NCOA1: variants seen among roughly 807,000 people sequenced by gnomAD.
The protein encoded by NCOA1 is Hin-2 protein.
NCOA1 carries 35 observed loss-of-function variants against 150.9 expected under a neutral mutation model. The observed-to-expected ratio is 0.23, with a 90% confidence interval of 0.18 to 0.31. NCOA1 has a LOEUF of 0.31. NCOA1 is among the 10% of genes least tolerant of loss of function. The probability of loss-of-function intolerance (pLI) is 1.00; values close to 1 mark genes in which losing one functional copy is unlikely to be tolerated. For missense variants in NCOA1, 1,491 were observed against 1,749.3 expected, an observed-to-expected ratio of 0.85 and a Z score of 2.63; for synonymous variants, 590 against 630.0, an observed-to-expected ratio of 0.94 and a Z score of 0.95.
chr2:24,599,092 CAA>C (rs1320657521), intron 3 of NCOA1, among the ~76,000 whole-genome samples: 3 of 151,602 alleles, frequency 2.0e-5, no homozygotes, highest in Non-Finnish European at 2.9e-5. Flanking sequence ...GGAGACAACA[CAA>C]GAGAGGATAT....
At chr2:24,517,257 C>T (rs979669488) in intron 1 of NCOA1, among the ~76,000 whole-genome samples, 1 of 151,726 alleles carries the variant, frequency 6.6e-6, no homozygotes, top group Admixed American at 6.6e-5. Flanking sequence ...TGAGTGTCTT[C>T]CTTTTTTTCC....
intron 8 of NCOA1, among the ~76,000 whole-genome samples, chr2:24,688,357 A>G (rs1280116951): frequency 1.3e-5 from 2 of 152,188 alleles, no homozygotes; most frequent in African/African-American, 4.8e-5. Flanking sequence ...GAACTAATTT[A>G]CACTCCCACC....
chr2:24,685,034 A>C (rs1276019540), intron 8 of NCOA1, among the ~76,000 whole-genome samples: 1 of 151,878 alleles, frequency 6.6e-6, no homozygotes, highest in Non-Finnish European at 1.5e-5. Flanking sequence ...TGGGGAAAAA[A>C]ATCAAATCAA....
chr2:24,611,045 C>T (rs987320480), intron 3 of NCOA1, among the ~76,000 whole-genome samples: 4 of 152,118 alleles, frequency 2.6e-5, no homozygotes, highest in South Asian at 2.1e-4. Flanking sequence ...GTGAATGACC[C>T]TGTCACCCAG....
chr2:24,536,279 G>A (rs1203109860), intron 1 of NCOA1, among the ~76,000 whole-genome samples: 1 of 152,128 alleles, frequency 6.6e-6, no homozygotes, highest in Admixed American at 6.5e-5. Context: ...CAAAGTTCTC[G>A]TGCCGTGGTT....
chr2:24,532,964 A>G (rs915118681), intron 1 of NCOA1, among the ~76,000 whole-genome samples: 1 of 152,182 alleles, frequency 6.6e-6, no homozygotes, highest in African/African-American at 2.4e-5. Flanking sequence ...TGAACTTCAA[A>G]GTAGTTTTTT....
intron 3 of NCOA1, among the ~76,000 whole-genome samples, chr2:24,588,524 T>A (rs911783327): frequency 2.0e-5 from 3 of 152,204 alleles, no homozygotes; most frequent in Non-Finnish European, 2.9e-5. Context: ...GTTGAGATTG[T>A]CTTTAGCCTG....
intron 16 of NCOA1, 51 bp downstream of exon 16, chr2:24,728,527 A>G: frequency 1.3e-6 from 2 of 1,508,270 alleles, no homozygotes. Flanking sequence ...AAGAAGCTAG[A>G]AAATTATTTT....
At chr2:24,682,383 T>G (rs1232339058) in intron 7 of NCOA1, among the ~76,000 whole-genome samples, 1 of 152,240 alleles carries the variant, frequency 6.6e-6, no homozygotes, top group Non-Finnish European at 1.5e-5. Context: ...GTCTTTATTA[T>G]GTTTTAGATT....
At chr2:24,752,602 A>G (rs1664304906) in intron 20 of NCOA1, among the ~76,000 whole-genome samples, 1 of 152,200 alleles carries the variant, frequency 6.6e-6, no homozygotes, top group Admixed American at 6.5e-5. Context: ...AGCTCACATC[A>G]GTAACAGAGC....
chr2:24,564,285 C>G lies in NCOA1; in HGVS notation c.-395-10C>G, dbSNP rs1346292536. 6.6e-6 allele frequency: 1 copy of G among 152,132 alleles called. No homozygotes were observed. Among genetic ancestry groups the G allele is most frequent in the Non-Finnish European group, 1.5e-5 (1 of 68,030 alleles). 9.4% of individuals were successfully genotyped at this position (152,132 alleles called of 1,614,324 possible). On this transcript the variant is annotated splice_polypyrimidine_tract_variant and intron_variant, in intron 1 of 22. Transcript: ENST00000348332. ...AATGGCCCAATTGTGTCTTCTCTCT[C>G]CTGCTTTAGATCTATCCATACTAAT...
At chr2:24,681,924 C>G (rs1264365763) in intron 7 of NCOA1, among the ~76,000 whole-genome samples, 1 of 152,114 alleles carries the variant, frequency 6.6e-6, no homozygotes, top group Non-Finnish European at 1.5e-5. Flanking sequence ...CCATGTTGGC[C>G]AGGATGGTCT....
chr2:24,684,378 C>T (rs1310268472), intron 8 of NCOA1, among the ~76,000 whole-genome samples: 2 of 152,238 alleles, frequency 1.3e-5, no homozygotes, highest in Non-Finnish European at 1.5e-5. Context: ...TGTTTTCTGA[C>T]TCCTGAAGAA....
chr2:24,582,132 G>T (rs1422769174), intron 2 of NCOA1, among the ~76,000 whole-genome samples: 4 of 152,144 alleles, frequency 2.6e-5, no homozygotes, highest in Non-Finnish European at 4.4e-5. Flanking sequence ...GAAGGAAATA[G>T]AAGGCATCTA....
chr2:24,761,983 G>C (rs1430109245), intron 21 of NCOA1, among the ~76,000 whole-genome samples: 1 of 152,234 alleles, frequency 6.6e-6, no homozygotes, highest in African/African-American at 2.4e-5. Flanking sequence ...TCTATAAGCT[G>C]ATTAGTACTG....
At chr2:24,537,864 TA>T (rs1036399418) in intron 1 of NCOA1, among the ~76,000 whole-genome samples, 1 of 152,094 alleles carries the variant, frequency 6.6e-6, no homozygotes, top group African/African-American at 2.4e-5. Context: ...TAAAACTTGT[TA>T]AAAAAAGAAA....
At chr2:24,543,701 G>T (rs951536361) in intron 1 of NCOA1, among the ~76,000 whole-genome samples, 64 of 152,136 alleles carry the variant, frequency 4.2e-4, no homozygotes, top group African/African-American at 1.3e-3. Context: ...ACAGGAGAGA[G>T]AAATTGAGAA....
intron 1 of NCOA1, among the ~76,000 whole-genome samples, chr2:24,542,838 A>T (rs1474771392): frequency 6.6e-6 from 1 of 152,258 alleles, no homozygotes; most frequent in Non-Finnish European, 1.5e-5. Flanking sequence ...AGAATAATAT[A>T]ATTAGTAAAC....
intron 8 of NCOA1, among the ~76,000 whole-genome samples, chr2:24,690,495 A>C (rs1216940424): frequency 6.6e-6 from 1 of 151,840 alleles, no homozygotes; most frequent in African/African-American, 2.4e-5. Flanking sequence ...TGTACTAAAA[A>C]TAAAAAATTA....
Sources: gnomAD v4.1 joint callset for allele counts (sites outside exome capture counted in the v4.1 genomes callset) on GRCh38, gnomAD v4.1.1 for gene constraint, MANE v1.5 for transcripts, NCBI Gene and HGNC (gene_info 2026-07-23, HGNC 2026-07-21) for gene names.